COLEC12: variants seen among roughly 807,000 people sequenced by gnomAD.
COLEC12 encodes the protein collectin subfamily member 12.
COLEC12 carries 33 observed loss-of-function variants against 71.1 expected under a neutral mutation model. That is an observed-to-expected ratio of 0.46 (90% CI 0.35 to 0.62). The LOEUF is 0.62. COLEC12 is among the 20% of genes least tolerant of loss of function. The pLI is 0.00. For synonymous variants in COLEC12, 350 were observed against 353.0 expected, an observed-to-expected ratio of 0.99 and a Z score of 0.10; for missense variants, 765 against 916.1, an observed-to-expected ratio of 0.84 and a Z score of 2.13.
In COLEC12 at chr18:475,826, A is replaced by G. The variant is rs144862365; in HGVS notation, c.58+4881T>C. Among the ~76,000 whole-genome samples, 222 of 152,296 alleles carry G rather than the reference A, an allele frequency of 1.5e-3. 1 individual carries two copies. Among genetic ancestry groups the G allele is most frequent in the African/African-American group, 4.6e-3 (192 of 41,562 alleles). On this transcript the variant is annotated intron_variant, in intron 2 of 9. Coordinates refer to ENST00000400256, the MANE Select transcript of COLEC12 (RefSeq NM_130386.3). ...CATGAATTTAAAGTTCCATGTGTTT[A>G]TCTCTTTGGAGGCTGGGTTTGGAAG...
rs1915649730 is a variant in COLEC12 at position 400,010 on chromosome 18, A to G, written c.59-42488T>C. On this transcript the variant is annotated intron_variant, in intron 2 of 9. Coordinates refer to ENST00000400256, the MANE Select transcript of COLEC12 (RefSeq NM_130386.3). ...GGGAGTGTATAGAAAATCCCATGACATAGTTTTTGCAAGGACTTCCAGCTT... is the reference window on the plus strand; with the variant it reads ...GGGAGTGTATAGAAAATCCCATGACGTAGTTTTTGCAAGGACTTCCAGCTT... Among the ~76,000 whole-genome samples, 4 of 152,244 alleles carry G rather than the reference A, an allele frequency of 2.6e-5. No homozygotes were observed. The South Asian group carries it at 8.3e-4, about 32-fold the overall frequency.
In COLEC12 at chr18:346,836, C is replaced by T; in HGVS notation, c.786G>A (p.Val262=). 6.2e-7 allele frequency: 1 copy of T among 1,614,210 alleles called. No homozygotes were observed. The highest frequency in any genetic ancestry group is 8.5e-7 in the Non-Finnish European group (1 of 1,180,014). The change falls in exon 5 of 10, where the codon GTG becomes GTA. Residue 262 remains valine (V), a synonymous_variant. Coordinates refer to ENST00000400256, the MANE Select transcript of COLEC12 (RefSeq NM_130386.3). The surrounding 1 kb of genome is among the most constrained non-coding windows in gnomAD (Gnocchi z 4.0). ...KKDTDWLKEK[V]QSLQTLAANN... The stretch of plus-strand genomic sequence containing the variant: ...TGGCAGCCAGCGTCTGCAAGCTCTG[C>T]ACTTTCTCCTTCAGCCAATCCGTGT...
chr18:434,187 C>T (rs1916359765), intron 2 of COLEC12, among the ~76,000 whole-genome samples: 1 of 152,124 alleles, frequency 6.6e-6, no homozygotes, highest in Non-Finnish European at 1.5e-5. Context: ...ACCATTAAGT[C>T]ATTCTCATTG....
intron 2 of COLEC12, among the ~76,000 whole-genome samples, chr18:368,609 A>G (rs565780206): frequency 2.0e-5 from 3 of 151,938 alleles, no homozygotes; most frequent in Non-Finnish European, 4.4e-5. Context: ...TCAGGCCTGT[A>G]ATCCCAGAAC....
At chr18:325,451 G>A (rs1913813631) in intron 8 of COLEC12, among the ~76,000 whole-genome samples, 1 of 151,840 alleles carries the variant, frequency 6.6e-6, no homozygotes, top group Admixed American at 6.6e-5. Flanking sequence ...AGCAGGGTAG[G>A]CAAGAGAGGC....
At chr18:369,115 C>T (rs928737321) in intron 2 of COLEC12, among the ~76,000 whole-genome samples, 47 of 152,282 alleles carry the variant, frequency 3.1e-4, no homozygotes, top group African/African-American at 9.9e-4. Context: ...TCTGGAGAGC[C>T]GGCTGTTAAA....
chr18:360,751 G>T (rs1262566389), intron 2 of COLEC12, among the ~76,000 whole-genome samples: 4 of 152,188 alleles, frequency 2.6e-5, no homozygotes, highest in Non-Finnish European at 5.9e-5. Flanking sequence ...GGTCATGATG[G>T]ATTGACCTTT....
At chr18:360,559 G>A (rs763738344) in intron 2 of COLEC12, among the ~76,000 whole-genome samples, 1 of 150,986 alleles carries the variant, frequency 6.6e-6, no homozygotes, top group Non-Finnish European at 1.5e-5. Context: ...GCTGCGGTCT[G>A]TGGACCACAC....
chr18:457,178 G>C (rs775824802), intron 2 of COLEC12, among the ~76,000 whole-genome samples: 4 of 152,156 alleles, frequency 2.6e-5, no homozygotes, highest in Non-Finnish European at 2.9e-5. Flanking sequence ...ACAAGGAGCA[G>C]CTTACCCTGT....
chr18:494,533 C>T (rs1917675001), intron 1 of COLEC12, among the ~76,000 whole-genome samples: 1 of 152,168 alleles, frequency 6.6e-6, no homozygotes, highest in South Asian at 2.1e-4. Flanking sequence ...CCTGAGGTCC[C>T]CAGGCTCTCT....
chr18:342,031 G>T (rs62089635), intron 5 of COLEC12, among the ~76,000 whole-genome samples: 16,613 of 152,180 alleles, frequency 0.11, 1,063 homozygotes, highest in Admixed American at 0.16. Context: ...ATCTTTATAT[G>T]ATTTTTATCA....
At position 401,165 on chromosome 18, in the gene COLEC12, C is replaced by A. The variant is rs568551687; in HGVS notation, c.59-43643G>T. ...CATGTGAATGTGTTCTGATCAAAAC[C>A]CAGCTATTCTCACCAATACGCCTCC... On this transcript the variant is annotated intron_variant, in intron 2 of 9. Coordinates refer to ENST00000400256, the MANE Select transcript of COLEC12 (RefSeq NM_130386.3). Among the ~76,000 whole-genome samples, 4 of 152,254 alleles carry A rather than the reference C, an allele frequency of 2.6e-5. No individual in the cohort carries two copies. In the South Asian group the frequency reaches 8.3e-4, roughly 32 times the overall value.
At chr18:468,907 A>C (rs1041723257) in intron 2 of COLEC12, among the ~76,000 whole-genome samples, 11 of 152,256 alleles carry the variant, frequency 7.2e-5, no homozygotes, top group Non-Finnish European at 1.5e-4. Context: ...AAGGTTTCTG[A>C]ACCACATTAT....
rs533556966 is a variant in COLEC12 at position 499,168 on chromosome 18, A to C, written c.7+1340T>G. Among the ~76,000 whole-genome samples, 10 of 152,298 alleles carry C rather than the reference A, an allele frequency of 6.6e-5. No homozygotes were observed. In the East Asian group the frequency reaches 1.7e-3, roughly 26 times the overall value. ...GAATGTGTGTATTTCCTAGAATGTA[A>C]ATGAGGGAAGAGAAACTGAGATGGA... On this transcript the variant is annotated intron_variant, in intron 1 of 9. Coordinates refer to ENST00000400256, the MANE Select transcript of COLEC12 (RefSeq NM_130386.3).
intron 2 of COLEC12, among the ~76,000 whole-genome samples, chr18:373,256 T>C (rs1399450682): frequency 6.6e-6 from 1 of 152,228 alleles, no homozygotes; most frequent in Non-Finnish European, 1.5e-5. Flanking sequence ...TTTGATCACG[T>C]CTCTGACAGT....
rs543292324 is a variant in COLEC12, at chr18:413,545, A to C, written c.59-56023T>G. Reference sequence around the variant, plus strand: ...TTTATGTTTACACAAAAATATGTACATACTGGTCAGGCACAGTGCTACGAT... The same window carrying C: ...TTTATGTTTACACAAAAATATGTACCTACTGGTCAGGCACAGTGCTACGAT... On this transcript the variant is annotated intron_variant, in intron 2 of 9. Coordinates refer to ENST00000400256, the MANE Select transcript of COLEC12 (RefSeq NM_130386.3). 2.0e-5 allele frequency among the ~76,000 whole-genome samples: 3 copies of C among 152,348 alleles called. No individual in the cohort carries two copies. The South Asian group carries it at 6.2e-4, about 32-fold the overall frequency.
intron 6 of COLEC12, 131 bp downstream of exon 6, chr18:334,611 G>C (rs1175855786): frequency 4.0e-6 from 3 of 751,724 alleles, no homozygotes; most frequent in Admixed American, 4.1e-5. Context: ...CTGGGCAACA[G>C]AGTGAGACCC....
chr18:389,950 T>C (rs62087987), intron 2 of COLEC12, among the ~76,000 whole-genome samples: 13,530 of 152,308 alleles, frequency 0.089, 671 homozygotes, highest in Middle Eastern at 0.11. Context: ...ATTTACAAAC[T>C]ACATCTGTAG....
At chr18:339,641 C>T (rs1294904183) in intron 5 of COLEC12, among the ~76,000 whole-genome samples, 1 of 152,160 alleles carries the variant, frequency 6.6e-6, no homozygotes, top group African/African-American at 2.4e-5. Context: ...CTGGCAAGCC[C>T]ACTGTGATTG....
Sources: allele counts gnomAD v4.1 joint callset (sites outside exome capture counted in the v4.1 genomes callset), GRCh38; gene constraint gnomAD v4.1.1; non-coding constraint Gnocchi (gnomAD v3.1); transcripts MANE v1.5; gene names NCBI Gene and HGNC (gene_info 2026-07-23, HGNC 2026-07-21).